Variants in KCNN3 observed in about 807,000 individuals in gnomAD.
The protein encoded by KCNN3 is small conductance calcium-activated potassium channel protein 3.
A neutral mutation model predicts 62.9 loss-of-function variants in KCNN3; 16 were observed. The ratio of observed to expected loss-of-function variants is 0.25; its 90% confidence interval spans 0.17 to 0.39. The LOEUF (loss-of-function observed/expected upper bound fraction) is 0.39, where lower values mean the gene tolerates loss of function less well. Among genes scored for constraint, KCNN3 ranks in the 10% least tolerant of loss-of-function variants. The pLI is 1.00. For missense variants in KCNN3, 599 were observed against 949.4 expected, an observed-to-expected ratio of 0.63 and a Z score of 4.85; for synonymous variants, 370 against 389.2, an observed-to-expected ratio of 0.95 and a Z score of 0.58.
intron 4 of KCNN3, among the ~76,000 whole-genome samples, chr1:154,729,157 A>AG (rs1411462464): frequency 1.3e-5 from 2 of 152,054 alleles, no homozygotes; most frequent in Admixed American, 1.3e-4. Context: ...GTGTGTGAGG[A>AG]GGGAGGAAGC....
chr1:154,714,677 C>T (rs1465657317), intron 6 of KCNN3, among the ~76,000 whole-genome samples, 199 bp downstream of exon 6: 1 of 138,630 alleles, frequency 7.2e-6, no homozygotes, highest in Non-Finnish European at 1.6e-5. Flanking sequence ...GAGGTTCTTA[C>T]TCTAGTTTTT....
At chr1:154,713,355 T>G (rs568627658) in intron 7 of KCNN3, 109 bp downstream of exon 7, 49 of 853,200 alleles carry the variant, frequency 5.7e-5, no homozygotes, top group Non-Finnish European at 8.8e-5. Flanking sequence ...TTTCTTTGCT[T>G]GCCTGGTCCC....
rs980288804 is a variant in KCNN3 at position 154,698,917 on chromosome 1, T to C, written c.*9059A>G. 4 of 152,218 alleles carry C rather than the reference T, an allele frequency of 2.6e-5. No individual in the cohort carries two copies. Among genetic ancestry groups the C allele is most frequent in the African/African-American group, 4.8e-5 (2 of 41,468 alleles). The allele number at this position is 152,218 out of a possible 1,614,324, so 9.4% of individuals were successfully genotyped here. On this transcript the variant is annotated 3_prime_UTR_variant, in exon 8 of 8. Coordinates refer to ENST00000271915, the MANE Select transcript of KCNN3 (RefSeq NM_002249.6). ...AACGCGAACAAAACCACACAGAGCA[T>C]GTGAAGACCGGGCCCTTCTGATGCT...
At chr1:154,714,259 ATGTGTGGTATGT>A (rs1700159746) in intron 6 of KCNN3, among the ~76,000 whole-genome samples, 9 of 33,648 alleles carry the variant, frequency 2.7e-4, no homozygotes, top group South Asian at 2.1e-3. Flanking sequence ...GGTGTGTGTG[ATGTGTGGTATGT>A]GGTGTGTGTG....
chr1:154,859,592 T>A (rs1571345718), intron 1 of KCNN3: 1 of 1,152,082 alleles, frequency 8.7e-7, no homozygotes, highest in East Asian at 2.3e-5. Context: ...CCCCCTCAGC[T>A]CAAAGCCACT....
At chr1:154,830,529 G>A (rs906494074) in intron 1 of KCNN3, among the ~76,000 whole-genome samples, 7 of 152,362 alleles carry the variant, frequency 4.6e-5, no homozygotes, top group Admixed American at 6.5e-5. Context: ...GGTCTTCACC[G>A]TCTCTGCAGA....
intron 3 of KCNN3, among the ~76,000 whole-genome samples, chr1:154,749,086 A>ATTCT (rs1223601209): frequency 6.6e-6 from 1 of 152,108 alleles, no homozygotes; most frequent in African/African-American, 2.4e-5. Flanking sequence ...ACTGGTGGGG[A>ATTCT]TTCTCTCTCT....
chr1:154,795,302 G>T (rs1649684884), intron 2 of KCNN3, among the ~76,000 whole-genome samples: 1 of 152,124 alleles, frequency 6.6e-6, no homozygotes, highest in African/African-American at 2.4e-5. Context: ...GAAAGAATCT[G>T]GTCACCCATT....
intron 1 of KCNN3, among the ~76,000 whole-genome samples, chr1:154,833,543 G>A (rs980957987): frequency 1.3e-5 from 2 of 152,142 alleles, no homozygotes; most frequent in African/African-American, 4.8e-5. Context: ...GCTGGAAGAG[G>A]CCTTCTAAGC....
chr1:154,812,410 C>CTA, intron 2 of KCNN3, among the ~76,000 whole-genome samples: 1 of 150,118 alleles, frequency 6.7e-6, no homozygotes, highest in Non-Finnish European at 1.5e-5. Context: ...CCTCCCCCAT[C>CTA]CCCCCACCCC....
chr1:154,736,962 A>G, intron 3 of KCNN3: 3 of 696,032 alleles, frequency 4.3e-6, no homozygotes, highest in Non-Finnish European at 5.2e-6. Context: ...GCTACGGAAG[A>G]TGCTGAGATG....
chr1:154,870,217 T>G lies in KCNN3; in HGVS notation c.-253A>C. The G allele has an allele frequency of 1.5e-6, 1 of 670,112 alleles. No homozygotes were observed. Among genetic ancestry groups the G allele is most frequent in the Non-Finnish European group, 2.7e-6 (1 of 364,754 alleles). The allele number at this position is 670,112 out of a possible 1,614,324, so 41.5% of individuals were successfully genotyped here. A position where few individuals can be genotyped will look rare whatever the true frequency, so the allele number is the denominator to read the frequency against. On this transcript the variant is annotated 5_prime_UTR_variant, in exon 1 of 8. Transcript: ENST00000271915. ...GAAAGAAGAGGGGGTGAAAGAACTC[T>G]CTCAGGAGGTGGTCCTCTAGGAGCG...
intron 3 of KCNN3, among the ~76,000 whole-genome samples, chr1:154,738,881 G>A (rs924537002): frequency 1.3e-5 from 2 of 152,228 alleles, no homozygotes; most frequent in South Asian, 4.1e-4. Context: ...ACTATGAATA[G>A]AGTCAAATTA....
chr1:154,854,615 G>A lies in KCNN3; in HGVS notation c.933+14417C>T, dbSNP rs146787591. On this transcript the variant is annotated intron_variant, in intron 1 of 7. Transcript: ENST00000271915. ...ACAGCAAAGATTTTTCTCTTTTGTG[G>A]GTTTTTTCTACTACAGTCATGTGTC... 6.5e-4 allele frequency among the ~76,000 whole-genome samples: 99 copies of A among 152,172 alleles called. 1 individual carries two copies. Among genetic ancestry groups the A allele is most frequent in the Admixed American group, 3.1e-3 (48 of 15,294 alleles).
intron 2 of KCNN3, among the ~76,000 whole-genome samples, chr1:154,814,026 G>A (rs1430229924): frequency 2.6e-5 from 4 of 152,256 alleles, no homozygotes; most frequent in South Asian, 2.1e-4. Context: ...GCCAGCGGCC[G>A]ATCCAAGTGA....
chr1:154,863,546 C>T (rs1652845896), intron 1 of KCNN3, among the ~76,000 whole-genome samples: 2 of 152,204 alleles, frequency 1.3e-5, no homozygotes, highest in African/African-American at 4.8e-5. Flanking sequence ...ATGTGCTTCA[C>T]AAATAACTGC....
intron 4 of KCNN3, among the ~76,000 whole-genome samples, chr1:154,730,347 C>CCA (rs1372356042): frequency 6.6e-6 from 1 of 152,144 alleles, no homozygotes; most frequent in Non-Finnish European, 1.5e-5. Context: ...TATTTACAGG[C>CCA]CACACACACA....
intron 7 of KCNN3, 99 bp downstream of exon 7, chr1:154,713,365 C>G (rs886929905): frequency 1.1e-6 from 1 of 940,846 alleles, no homozygotes; most frequent in South Asian, 1.3e-5. Flanking sequence ...TGCCTGGTCC[C>G]GCGCTGTCCA....
chr1:154,845,589 G>A (rs1214501338), intron 1 of KCNN3, among the ~76,000 whole-genome samples: 3 of 152,330 alleles, frequency 2.0e-5, no homozygotes, highest in Non-Finnish European at 2.9e-5. Flanking sequence ...GGAGCCAAAG[G>A]TGTCTGCTTC....
Sources: allele counts gnomAD v4.1 joint callset (sites outside exome capture counted in the v4.1 genomes callset), GRCh38; gene constraint gnomAD v4.1.1; transcripts MANE v1.5; gene names NCBI Gene and HGNC (gene_info 2026-07-23, HGNC 2026-07-21).